MS4A14: variants seen among roughly 807,000 people sequenced by gnomAD.
The protein encoded by MS4A14 is membrane-spanning 4-domains subfamily A member 14.
A neutral mutation model predicts 16.7 loss-of-function variants in MS4A14; 18 were observed. The observed-to-expected ratio is 1.08, with a 90% CI of 0.75 to 1.60. The LOEUF is 1.60. Ranked by LOEUF, MS4A14 falls within the 40% of genes most tolerant of loss-of-function variation. The pLI is 0.00. For missense variants in MS4A14, 812 were observed against 775.3 expected (o/e 1.05, Z -0.56); for synonymous variants, 305 against 289.4 (o/e 1.05, Z -0.55).
In MS4A14 at chr11:60,416,639, T is replaced by C; in HGVS notation, c.1671T>C (p.Thr557=). ...SVDKQAQLNQ[T]KEQLPDQQAE... ...ATAAGCAAGCTCAACTTAATCAAAC[T>C]AAAGAGCAACTCCCAGATCAGCAAG... The change falls in exon 5 of 5, where the codon ACT becomes ACC. Residue 557 remains threonine, a synonymous_variant. Transcript: ENST00000300187. 1 of 1,613,526 alleles carries C rather than the reference T, an allele frequency of 6.2e-7. No homozygotes were observed. The highest frequency in any genetic ancestry group is 8.5e-7 in the Non-Finnish European group (1 of 1,179,866).
rs149338262 is a variant in MS4A14, at chr11:60,415,719, T to C, written c.751T>C (p.Leu251=). Residue 251 remains leucine (L), a synonymous_variant, in exon 5 of 5, where the codon TTG becomes CTG. Coordinates refer to ENST00000300187, the MANE Select transcript of MS4A14 (RefSeq NM_032597.5). ...ATTTTCAGAGGAAGAAATTGAACCTTTGCCTCCCACACTAGAGAAAAAGCC... is the reference window on the plus strand; with the variant it reads ...ATTTTCAGAGGAAGAAATTGAACCTCTGCCTCCCACACTAGAGAAAAAGCC... The part of the protein sequence containing the change: ...PKFSEEEIEP[L]PPTLEKKPSE... 1.2e-6 allele frequency: 2 copies of C among 1,613,758 alleles called. No individual in the cohort carries two copies. The highest frequency in any genetic ancestry group is 1.7e-6 in the Non-Finnish European group (2 of 1,179,870).
At position 60,416,931 on chromosome 11, in the gene MS4A14, C is replaced by T. The variant is rs149015522; in HGVS notation, c.1963C>T (p.Gln655Ter). The change falls in exon 5 of 5, where the codon CAA becomes TAA. Residue 655 changes from glutamine (Q) to a stop codon, truncating the protein, a stop_gained. Coordinates refer to ENST00000300187, the MANE Select transcript of MS4A14 (RefSeq NM_032597.5). LOFTEE classifies it low-confidence loss of function (END_TRUNC). ...CCAAATACAGCAATACCAATTCTGG[C>T]AATTCCACAAAGGCAATCTCCAGGC... ...ESQIQQYQFW[Q>*]FHKGNLQAGQ... The T allele has an allele frequency of 1.9e-4, 301 of 1,613,702 alleles. No individual in the cohort carries two copies. Among genetic ancestry groups the T allele is most frequent in the Non-Finnish European group, 2.4e-4 (280 of 1,179,732 alleles).
In MS4A14 at chr11:60,416,401, A is replaced by G; in HGVS notation, c.1433A>G (p.His478Arg). The G allele has an allele frequency of 6.2e-7, 1 of 1,614,046 alleles. No homozygotes were observed. The highest frequency in any genetic ancestry group is 1.3e-5 in the African/African-American group (1 of 75,056). The stretch of plus-strand genomic sequence containing the variant: ...GAATGGAAATCTGAGGAGGAACTCC[A>G]TAGAAGAAAATCCTCAAGACGGCAT... The part of the protein sequence containing the change: ...TKEWKSEEEL[H>R]RRKSSRRHSL... The change falls in exon 5 of 5, where the codon CAT becomes CGT. Residue 478 changes from histidine (H) to arginine (R), a missense_variant. Transcript: ENST00000300187.
chr11:60,413,684 T>C (rs186171043), intron 4 of MS4A14, among the ~76,000 whole-genome samples: 51 of 152,218 alleles, frequency 3.4e-4, no homozygotes, highest in African/African-American at 1.2e-3. Flanking sequence ...AATCCACTAA[T>C]GGCACAGTAA....
At position 60,396,697 on chromosome 11, in the gene MS4A14, G is replaced by A. The variant is rs886223376; in HGVS notation, c.119G>A (p.Gly40Glu). The A allele has an allele frequency of 3.1e-6, 5 of 1,613,818 alleles. No individual in the cohort carries two copies. The highest frequency in any genetic ancestry group is 2.2e-5 in the South Asian group (2 of 90,976). Residue 40 changes from glycine (G) to glutamate (E), a missense_variant, in exon 1 of 5, where the codon GGA becomes GAA. Coordinates refer to ENST00000300187, the MANE Select transcript of MS4A14 (RefSeq NM_032597.5). ...PHSSLLDFLK[G>E]EPRVLGATQI... ...AGCTCTCTGCTGGATTTTCTGAAGG[G>A]AGAGCCAAGAGTCTTGGGGGTAAGT...
intron 1 of MS4A14, among the ~76,000 whole-genome samples, 156 bp downstream of exon 1, chr11:60,396,872 G>A (rs1343158393): frequency 1.3e-5 from 2 of 152,078 alleles, no homozygotes; most frequent in Non-Finnish European, 2.9e-5. Flanking sequence ...ACTGATCTTT[G>A]AATCCCAGCA....
chr11:60,413,745 C>G lies in MS4A14; in HGVS notation c.469-1692C>G, dbSNP rs569168283. Among the ~76,000 whole-genome samples the G allele has an allele frequency of 1.2e-4, 19 of 152,102 alleles. No homozygotes were observed. The South Asian group carries it at 2.7e-3, about 22-fold the overall frequency. ...AAAATAATAAAATATGTACCTTGATCTCAAGAAAAGGAAAGGGAAAGTGAA... is the reference window on the plus strand; with the variant it reads ...AAAATAATAAAATATGTACCTTGATGTCAAGAAAAGGAAAGGGAAAGTGAA... On this transcript the variant is annotated intron_variant, in intron 4 of 4. Coordinates refer to ENST00000300187, the MANE Select transcript of MS4A14 (RefSeq NM_032597.5).
At chr11:60,407,968 A>G (rs2085812365) in intron 4 of MS4A14, among the ~76,000 whole-genome samples, 1 of 152,108 alleles carries the variant, frequency 6.6e-6, no homozygotes. Flanking sequence ...CCTACCCCCA[A>G]ATCATGAAGG....
rs1335284229 is a variant in MS4A14, at chr11:60,403,157, G to A, written c.468+96G>A. The stretch of plus-strand genomic sequence containing the variant: ...ACTGATTTTTATTTTATTAAATGAA[G>A]TTGTGTCAGCATTTGAACTGACGGT... On this transcript the variant is annotated intron_variant, in intron 4 of 4. Transcript: ENST00000300187. The A allele has an allele frequency of 7.3e-6, 10 of 1,366,812 alleles. No homozygotes were observed. In the Admixed American group the frequency reaches 1.2e-4, roughly 16 times the overall value. 84.7% of individuals were successfully genotyped at this position (1,366,812 alleles called of 1,614,324 possible). A position where few individuals can be genotyped will look rare whatever the true frequency, so the allele number is the denominator to read the frequency against.
chr11:60,401,014 C>A (rs1347227542), intron 3 of MS4A14, among the ~76,000 whole-genome samples: 1 of 152,188 alleles, frequency 6.6e-6, no homozygotes, highest in African/African-American at 2.4e-5. Flanking sequence ...TTCTTTAGAT[C>A]CTGCCCAAGG....
chr11:60,416,464 G>T lies in MS4A14; in HGVS notation c.1496G>T (p.Arg499Met), dbSNP rs74837900. ...NQQTKALQYL[R>M]RHSLDVQAKG... ...CAAACCAAAGCCTTGCAATACTTAA[G>T]GAGACATTCTTTAGACGTGCAAGCC... The change falls in exon 5 of 5, where the codon AGG becomes ATG. Residue 499 changes from arginine (R) to methionine (M), a missense_variant. Transcript: ENST00000300187. The T allele has an allele frequency of 2.5e-3, 4,075 of 1,613,940 alleles. 54 individuals are homozygous for T. Among genetic ancestry groups the T allele is most frequent in the African/African-American group, 0.024 (1,807 of 75,014 alleles).
At position 60,416,368 on chromosome 11, in the gene MS4A14, A is replaced by G. The variant is rs1008164726; in HGVS notation, c.1400A>G (p.Glu467Gly). Reference protein sequence around the residue: ...YQDIRSEVMEETKEWKSEEEL... With the variant: ...YQDIRSEVMEGTKEWKSEEEL... ...GATATTAGATCAGAAGTTATGGAAG[A>G]GACCAAAGAATGGAAATCTGAGGAG... The change falls in exon 5 of 5, where the codon GAG (glutamate) becomes GGG (glycine). Residue 467 changes from glutamate (E) to glycine (G), a missense_variant. Coordinates refer to ENST00000300187, the MANE Select transcript of MS4A14 (RefSeq NM_032597.5). The G allele has an allele frequency of 6.2e-7, 1 of 1,613,934 alleles. No individual in the cohort carries two copies. The highest frequency in any genetic ancestry group is 1.3e-5 in the African/African-American group (1 of 74,930).
chr11:60,416,144 C>A lies in MS4A14; in HGVS notation c.1176C>A (p.Ser392=), dbSNP rs1488455803. Residue 392 remains serine (S), a synonymous_variant, in exon 5 of 5, where the codon TCC becomes TCA. Coordinates refer to ENST00000300187, the MANE Select transcript of MS4A14 (RefSeq NM_032597.5). The part of the protein sequence containing the change: ...SLDMLSQDTP[S]HAMPPQDIPS... Reference sequence around the variant, plus strand: ...ATATGCTATCTCAAGACACACCATCCCACGCCATGCCACCTCAAGACATAC... The same window carrying A: ...ATATGCTATCTCAAGACACACCATCACACGCCATGCCACCTCAAGACATAC... The A allele has an allele frequency of 6.2e-7, 1 of 1,611,912 alleles. No individual in the cohort carries two copies. The highest frequency in any genetic ancestry group is 1.7e-5 in the Admixed American group (1 of 59,612).
intron 4 of MS4A14, among the ~76,000 whole-genome samples, chr11:60,404,194 C>T (rs926028828): frequency 2.0e-5 from 3 of 152,168 alleles, no homozygotes; most frequent in Non-Finnish European, 4.4e-5. Context: ...TATGAAATTC[C>T]GTATTTCCTG....
In MS4A14 at chr11:60,415,655, G is replaced by A; in HGVS notation, c.687G>A (p.Val229=). Residue 229 remains valine (V), a synonymous_variant, in exon 5 of 5, where the codon GTG becomes GTA. Coordinates refer to ENST00000300187, the MANE Select transcript of MS4A14 (RefSeq NM_032597.5). The part of the protein sequence containing the change: ...SQPGNKGREF[V]PDEQKQSILP... ...CAGGTAATAAAGGTAGAGAATTTGT[G>A]CCAGATGAACAAAAGCAAAGTATCC... 6.2e-7 allele frequency: 1 copy of A among 1,613,850 alleles called. No individual in the cohort carries two copies. The highest frequency in any genetic ancestry group is 8.5e-7 in the Non-Finnish European group (1 of 1,179,884).
Position 60,412,433 on chromosome 11 carries a change from A to G in MS4A14, c.469-3004A>G, listed in dbSNP as rs1261973031. Among the ~76,000 whole-genome samples the G allele has an allele frequency of 2.6e-5, 4 of 151,130 alleles. 1 individual carries two copies. The highest frequency in any genetic ancestry group is 4.2e-4 in the South Asian group (2 of 4,792). ...TGTTATGGATCTGTAAAGATTTTCTATTTCTTCTTGAATCATTTTAGGTAA... is the reference window on the plus strand; with the variant it reads ...TGTTATGGATCTGTAAAGATTTTCTGTTTCTTCTTGAATCATTTTAGGTAA... On this transcript the variant is annotated intron_variant, in intron 4 of 4. Transcript: ENST00000300187.
At chr11:60,414,865 G>C (rs1302680576) in intron 4 of MS4A14, among the ~76,000 whole-genome samples, 1 of 152,028 alleles carries the variant, frequency 6.6e-6, no homozygotes, top group Non-Finnish European at 1.5e-5. Flanking sequence ...CTACTCAGCT[G>C]TTAAGATATA....
chr11:60,402,988 A>G lies in MS4A14; in HGVS notation c.395A>G (p.Tyr132Cys). The G allele has an allele frequency of 6.2e-7, 1 of 1,613,882 alleles. No individual in the cohort carries two copies. Among genetic ancestry groups the G allele is most frequent in the East Asian group, 2.2e-5 (1 of 44,872 alleles). Residue 132 changes from tyrosine (Y) to cysteine (C), a missense_variant, in exon 4 of 5, where the codon TAC becomes TGC. Coordinates refer to ENST00000300187, the MANE Select transcript of MS4A14 (RefSeq NM_032597.5). ...ITGITFTILS[Y>C]RHQDKYCQMP... is the part of the protein sequence containing the mutation. The stretch of plus-strand genomic sequence containing the variant: ...GGGATTACTTTCACCATTCTCAGCT[A>G]CAGACATCAAGACAAGTACTGCCAG...
intron 4 of MS4A14, among the ~76,000 whole-genome samples, chr11:60,413,225 T>A (rs2085892904): frequency 6.6e-6 from 1 of 151,314 alleles, no homozygotes; most frequent in Admixed American, 6.6e-5. Context: ...TTCCCATAGC[T>A]TTTTTTTAAT....
Sources: gnomAD v4.1 joint callset for allele counts (sites outside exome capture counted in the v4.1 genomes callset) on GRCh38, gnomAD v4.1.1 for gene constraint, MANE v1.5 for transcripts, NCBI Gene and HGNC (gene_info 2026-07-23, HGNC 2026-07-21) for gene names.